DYNC2H1: variants seen among roughly 807,000 people sequenced by gnomAD.
The protein encoded by DYNC2H1 is dynein cytoplasmic 2 heavy chain 1.
In DYNC2H1, 410 loss-of-function variants were observed where a neutral mutation model predicts 570.0. The ratio of observed to expected loss-of-function variants is 0.72; its 90% CI spans 0.66 to 0.78. DYNC2H1 has a LOEUF of 0.78. DYNC2H1 is among the 30% of genes least tolerant of loss of function. The pLI is 0.00. For missense variants in DYNC2H1, 4,865 were observed against 5,046.4 expected, an observed-to-expected ratio of 0.96 and a Z score of 1.09; for synonymous variants, 1,688 against 1,677.6, an observed-to-expected ratio of 1.01 and a Z score of -0.15.
chr11:103,469,818 T>C (rs1393905942), intron 88 of DYNC2H1, among the ~76,000 whole-genome samples: 1 of 152,204 alleles, frequency 6.6e-6, no homozygotes, highest in East Asian at 1.9e-4. Flanking sequence ...TGGTAAATTA[T>C]GAATGACACA....
intron 84 of DYNC2H1, among the ~76,000 whole-genome samples, chr11:103,429,716 T>C (rs1403155166): frequency 6.6e-6 from 1 of 152,234 alleles, no homozygotes. Flanking sequence ...GTTATTTCAA[T>C]TAATTGCGTA....
chr11:103,163,214 A>G lies in DYNC2H1; in HGVS notation c.4611+67A>G. 1 of 1,517,728 alleles carries G rather than the reference A, an allele frequency of 6.6e-7. No individual in the cohort carries two copies. Among genetic ancestry groups the G allele is most frequent in the African/African-American group, 1.4e-5 (1 of 71,754 alleles). The allele number at this position is 1,517,728 out of a possible 1,614,324, so 94.0% of individuals were successfully genotyped here. Reference sequence around the variant, plus strand: ...TGGAAAGATCCCTGACCTAGAAGCCAGGAGGCTCAGATAAATCGCATCTGT... The same window carrying G: ...TGGAAAGATCCCTGACCTAGAAGCCGGGAGGCTCAGATAAATCGCATCTGT... On this transcript the variant is annotated intron_variant, in intron 30 of 88. Coordinates refer to ENST00000375735, the MANE Select transcript of DYNC2H1 (RefSeq NM_001377.3). The surrounding 1 kb of genome is among the most constrained non-coding windows in gnomAD (Gnocchi z 4.6).
intron 78 of DYNC2H1, among the ~76,000 whole-genome samples, chr11:103,308,800 GTCTTT>G (rs1415463419): frequency 3.3e-5 from 5 of 152,220 alleles, no homozygotes; most frequent in African/African-American, 1.2e-4. Context: ...TCGGAGAAAT[GTCTTT>G]TCAAATTCTT....
intron 39 of DYNC2H1, among the ~76,000 whole-genome samples, chr11:103,180,166 A>ATTTATCATATTTATTAATTGTG (rs1356251445): frequency 6.6e-6 from 1 of 151,696 alleles, no homozygotes. Flanking sequence ...TTTGCACACA[A>ATTTATCATATTTATTAATTGTG]TTTATCATAT....
intron 47 of DYNC2H1, among the ~76,000 whole-genome samples, chr11:103,194,815 T>C (rs1862457563): frequency 6.6e-6 from 1 of 152,138 alleles, no homozygotes; most frequent in Non-Finnish European, 1.5e-5. Context: ...CCTCCTGGGC[T>C]CAAGTGATTC....
At chr11:103,259,757 G>T in intron 69 of DYNC2H1, 131 bp from the exon 70 acceptor site, 1 of 576,754 alleles carries the variant, frequency 1.7e-6, no homozygotes, top group Non-Finnish European at 3.0e-6. Context: ...TAATGCACTT[G>T]TTTAGTCCCT....
At chr11:103,169,154 A>T (rs1219143980) in intron 32 of DYNC2H1, among the ~76,000 whole-genome samples, 194 bp downstream of exon 32, 1 of 152,150 alleles carries the variant, frequency 6.6e-6, no homozygotes, top group African/African-American at 2.4e-5. Flanking sequence ...TATACAAAAA[A>T]GTTAAAATAT....
rs1436304864 is a variant in DYNC2H1 at position 103,209,191 on chromosome 11, T to C, written c.8455-685T>C. ...CTTGTGTTTTCTTCTTGCTGGTAAC[T>C]TCAGCTCTATCAGGTGAAAGAAATT... On this transcript the variant is annotated intron_variant, in intron 52 of 88. Transcript: ENST00000375735. The surrounding 1 kb of genome is among the most constrained non-coding windows in gnomAD (Gnocchi z 4.2). Among the ~76,000 whole-genome samples the C allele has an allele frequency of 6.6e-6, 1 of 152,114 alleles. No individual in the cohort carries two copies. The highest frequency in any genetic ancestry group is 1.9e-4 in the East Asian group (1 of 5,196).
rs561666417 is a variant in DYNC2H1, at chr11:103,165,190, C to T, written c.4612-708C>T. Among the ~76,000 whole-genome samples the T allele has an allele frequency of 1.6e-4, 25 of 152,212 alleles. No homozygotes were observed. In the East Asian group the frequency reaches 4.6e-3, roughly 28 times the overall value. On this transcript the variant is annotated intron_variant, in intron 30 of 88. Coordinates refer to ENST00000375735, the MANE Select transcript of DYNC2H1 (RefSeq NM_001377.3). ...TGCTCTCATGTGGAGTGCAGTGGTG[C>T]GATCTCAGCTCACTGCAACCTCCCC...
In DYNC2H1 at chr11:103,171,062, C is replaced by A; in HGVS notation, c.5328C>A (p.Gly1776=). 1.3e-6 allele frequency: 2 copies of A among 1,589,148 alleles called. No individual in the cohort carries two copies. Among genetic ancestry groups the A allele is most frequent in the South Asian group, 1.2e-5 (1 of 86,678 alleles). The change falls in exon 34 of 89, where the codon GGC becomes GGA. Residue 1776 remains glycine, a synonymous_variant. Coordinates refer to ENST00000375735, the MANE Select transcript of DYNC2H1 (RefSeq NM_001377.3). ...ATAGAACTGTATGTGAACTGCTTGG[C>A]AAGGAGGTATAGAATATGTTGGGAA... The part of the protein sequence containing the change: ...KNHRTVCELL[G]KEVEVNSNSG...
Position 103,135,524 on chromosome 11 carries a change from G to A in DYNC2H1, c.2235G>A (p.Trp745Ter), listed in dbSNP as rs1309577378. Residue 745 changes from tryptophan to a stop codon, truncating the protein, a stop_gained, in exon 16 of 89, where the codon TGG becomes TGA. Transcript: ENST00000375735. LOFTEE classifies it high-confidence loss of function. ...QGFQASDMHAWKQHWNHQLYK... is the reference protein window; with the variant it reads ...QGFQASDMHA ...TCCAAGCAAGTGACATGCATGCATGGAAACAACACTGGAATCATCAACTGT... is the reference window on the plus strand; with the variant it reads ...TCCAAGCAAGTGACATGCATGCATGAAAACAACACTGGAATCATCAACTGT... 19 of 1,585,814 alleles carry A rather than the reference G, an allele frequency of 1.2e-5. No individual in the cohort carries two copies. The highest frequency in any genetic ancestry group is 1.5e-5 in the Non-Finnish European group (18 of 1,168,024).
intron 18 of DYNC2H1, among the ~76,000 whole-genome samples, chr11:103,144,276 C>T (rs911855035): frequency 1.3e-5 from 2 of 152,168 alleles, no homozygotes; most frequent in African/African-American, 4.8e-5. Flanking sequence ...TTAGTAATCT[C>T]ATAGTGTTTT....
intron 59 of DYNC2H1, among the ~76,000 whole-genome samples, chr11:103,224,479 C>CGTGAG (rs1359592430): frequency 1.3e-5 from 2 of 152,160 alleles, no homozygotes; most frequent in African/African-American, 4.8e-5. Context: ...TTAGCTCCTA[C>CGTGAG]GTGAGTGAGA....
intron 80 of DYNC2H1, among the ~76,000 whole-genome samples, chr11:103,318,170 T>C (rs1008297515): frequency 1.3e-5 from 2 of 152,128 alleles, no homozygotes; most frequent in Admixed American, 1.3e-4. Flanking sequence ...GGACAAAAAG[T>C]ACTTACAAGA....
At chr11:103,119,977 A>G (rs757132051) in intron 6 of DYNC2H1, among the ~76,000 whole-genome samples, 1 of 152,176 alleles carries the variant, frequency 6.6e-6, no homozygotes, top group Admixed American at 6.5e-5. Flanking sequence ...TTTTAGCTCA[A>G]AATACAATAT....
intron 82 of DYNC2H1, among the ~76,000 whole-genome samples, chr11:103,335,001 C>T (rs1939040303): frequency 6.6e-6 from 1 of 152,026 alleles, no homozygotes. Flanking sequence ...ATAATTTCTT[C>T]AGTTTAGCAA....
At position 103,285,693 on chromosome 11, in the gene DYNC2H1, G is replaced by A. The variant is rs537469365; in HGVS notation, c.10891-562G>A. ...GCCCGCCTCAGCCTCCCAAAGTGCT[G>A]GGATTATAGGTGTGAGCCACTGTGC... On this transcript the variant is annotated intron_variant, in intron 73 of 88. Coordinates refer to ENST00000375735, the MANE Select transcript of DYNC2H1 (RefSeq NM_001377.3). 6.6e-5 allele frequency among the ~76,000 whole-genome samples: 10 copies of A among 152,098 alleles called. 1 individual carries two copies. The South Asian group carries it at 1.9e-3, about 28-fold the overall frequency.
intron 55 of DYNC2H1, among the ~76,000 whole-genome samples, chr11:103,216,088 C>T (rs1320890054): frequency 2.6e-5 from 4 of 152,052 alleles, no homozygotes; most frequent in Admixed American, 1.3e-4. Context: ...CTTATGTAAA[C>T]TCTTTTTATA....
At chr11:103,392,766 GA>G (rs367942270) in intron 83 of DYNC2H1, among the ~76,000 whole-genome samples, 2,685 of 143,340 alleles carry the variant, frequency 0.019, 76 homozygotes, top group African/African-American at 0.062. Context: ...GTCAATTTTG[GA>G]AAAAAAAAAA....
Sources: gnomAD v4.1 joint callset for allele counts (sites outside exome capture counted in the v4.1 genomes callset) on GRCh38, gnomAD v4.1.1 for gene constraint, Gnocchi (gnomAD v3.1) non-coding constraint, MANE v1.5 for transcripts, NCBI Gene and HGNC (gene_info 2026-07-23, HGNC 2026-07-21) for gene names.